DMD: variants seen among roughly 807,000 people sequenced by gnomAD.
The protein encoded by DMD is mutant dystrophin.
Under a neutral mutation model 330.1 loss-of-function variants are expected in DMD, and 63 were observed. The ratio of observed to expected loss-of-function variants is 0.19; its 90% CI spans 0.16 to 0.24. The LOEUF (loss-of-function observed/expected upper bound fraction) is 0.24. DMD is among the 10% of genes least tolerant of loss of function. The pLI, the probability that DMD is intolerant of heterozygous loss-of-function variation, is 1.00. For synonymous variants in DMD, 1,223 were observed against 959.8 expected (o/e 1.27, Z -5.07); for missense variants, 3,344 against 2,684.1 (o/e 1.25, Z -5.43).
chrX:32,936,519 T>C (rs2090034460), intron 2 of DMD, among the ~76,000 whole-genome samples: 2 of 111,900 alleles, frequency 1.8e-5, no homozygotes, highest in Admixed American at 1.9e-4. Context: ...TCCTGAAACC[T>C]TCACAAAGTT....
At chrX:32,728,526 T>C (rs1032039508) in intron 7 of DMD, among the ~76,000 whole-genome samples, 2 of 111,661 alleles carry the variant, frequency 1.8e-5, no homozygotes, top group Non-Finnish European at 1.9e-5. Context: ...CTGCTTTATT[T>C]GAGCTTAGAG....
rs181125381 is a variant in DMD, at chrX:31,359,414, C to T, written c.9085-10780G>A. 2.5e-3 allele frequency among the ~76,000 whole-genome samples: 285 copies of T among 111,830 alleles called. 1 individual carries two copies. The highest frequency in any genetic ancestry group is 8.8e-3 in the African/African-American group (270 of 30,792). ...ATCCATCAGTGTAGTGGAAATGCCA[C>T]GAATTTTATGACTCAGGAAGACCTG... On this transcript the variant is annotated intron_variant, in intron 60 of 78. Coordinates refer to ENST00000357033, the MANE Select transcript of DMD (RefSeq NM_004006.3).
intron 1 of DMD, among the ~76,000 whole-genome samples, chrX:33,154,914 T>C (rs996741656): frequency 8.9e-6 from 1 of 112,156 alleles, no homozygotes; most frequent in African/African-American, 3.2e-5. Flanking sequence ...ACAATGACAT[T>C]CTTATTTTTA....
intron 44 of DMD, among the ~76,000 whole-genome samples, chrX:32,150,406 T>G (rs1036823938): frequency 8.9e-6 from 1 of 111,893 alleles, no homozygotes; most frequent in African/African-American, 3.3e-5. Flanking sequence ...ATTTTTCCTA[T>G]TGCAGTTGCC....
chrX:32,939,174 C>A (rs2090220692), intron 2 of DMD, among the ~76,000 whole-genome samples: 2 of 104,527 alleles, frequency 1.9e-5, no homozygotes, highest in South Asian at 8.8e-4. Context: ...AGTGTATTCA[C>A]CAAATAATCT....
At chrX:31,444,442 T>A in intron 60 of DMD, 39 bp downstream of exon 60, 1 of 1,202,276 alleles carries the variant, frequency 8.3e-7, no homozygotes, top group Non-Finnish European at 1.1e-6. Flanking sequence ...TATATTATTT[T>A]ACTGTAACAA....
At chrX:32,768,284 G>C (rs1223569053) in intron 7 of DMD, among the ~76,000 whole-genome samples, 2 of 111,801 alleles carry the variant, frequency 1.8e-5, no homozygotes, top group Non-Finnish European at 3.8e-5. Context: ...AGAATTTGGG[G>C]AATAGAGCTA....
chrX:31,255,521 C>T (rs1427515160), intron 63 of DMD, among the ~76,000 whole-genome samples: 1 of 111,569 alleles, frequency 9.0e-6, no homozygotes, highest in Non-Finnish European at 1.9e-5. Context: ...TATTTGACAA[C>T]AGCTTGCCTC....
intron 44 of DMD, among the ~76,000 whole-genome samples, chrX:32,138,398 T>C (rs1399224244): frequency 9.0e-6 from 1 of 111,539 alleles, no homozygotes; most frequent in Non-Finnish European, 1.9e-5. Context: ...ATGAAAAAAA[T>C]AACACCTACA....
At chrX:32,952,954 G>A (rs1220775480) in intron 2 of DMD, among the ~76,000 whole-genome samples, 1 of 109,469 alleles carries the variant, frequency 9.1e-6, no homozygotes, top group Non-Finnish European at 1.9e-5. Context: ...GGCCAACATG[G>A]TGAAGCCCCG....
chrX:32,379,110 G>A (rs1386897793), intron 34 of DMD, among the ~76,000 whole-genome samples: 1 of 109,118 alleles, frequency 9.2e-6, no homozygotes, highest in African/African-American at 3.3e-5. Flanking sequence ...AGAGATTTTA[G>A]AGTATGTCAT....
At chrX:32,240,219 T>C in intron 43 of DMD, among the ~76,000 whole-genome samples, 1 of 112,053 alleles carries the variant, frequency 8.9e-6, no homozygotes, top group Admixed American at 9.5e-5. Flanking sequence ...TACATATCAT[T>C]AATTGTAGGT....
intron 60 of DMD, among the ~76,000 whole-genome samples, chrX:31,442,917 C>T (rs2065042611): frequency 9.0e-6 from 1 of 111,088 alleles, no homozygotes; most frequent in African/African-American, 3.3e-5. Flanking sequence ...CAGGACTATC[C>T]ATCACAACAA....
At chrX:32,625,515 T>A (rs765456873) in intron 11 of DMD, among the ~76,000 whole-genome samples, 2 of 112,148 alleles carry the variant, frequency 1.8e-5, no homozygotes, top group Non-Finnish European at 3.8e-5. Flanking sequence ...TGTCCTCCAA[T>A]GTCTATGAGG....
At position 31,159,036 on chromosome X, in the gene DMD, A is replaced by G. The variant is rs377335998; in HGVS notation, c.10553+10407T>C. ...GTAAGAAATGAGAAAAACAAGGGAG[A>G]TACCTGAAAATCAACCCCAAAAACC... On this transcript the variant is annotated intron_variant, in intron 74 of 78. Coordinates refer to ENST00000357033, the MANE Select transcript of DMD (RefSeq NM_004006.3). 6.2e-5 allele frequency among the ~76,000 whole-genome samples: 7 copies of G among 112,012 alleles called. No individual in the cohort carries two copies. In the East Asian group the frequency reaches 1.7e-3, roughly 27 times the overall value.
intron 44 of DMD, among the ~76,000 whole-genome samples, chrX:32,162,322 C>T (rs185976699): frequency 1.1e-3 from 119 of 111,283 alleles, no homozygotes; most frequent in Non-Finnish European, 2.0e-3. Flanking sequence ...GAATCAGTAA[C>T]ATCCCTCAGC....
chrX:32,075,756 A>G (rs1441477823), intron 44 of DMD, among the ~76,000 whole-genome samples: 2 of 110,398 alleles, frequency 1.8e-5, no homozygotes, highest in Admixed American at 2.0e-4. Context: ...AAAAAAAAAA[A>G]GTTTATTTAG....
In DMD at chrX:31,682,527, G is replaced by T. The variant is rs750596448; in HGVS notation, c.7661-2941C>A. Among the ~76,000 whole-genome samples the T allele has an allele frequency of 8.0e-5, 9 of 112,111 alleles. No homozygotes were observed. The Admixed American group carries it at 8.5e-4, about 11-fold the overall frequency. The stretch of plus-strand genomic sequence containing the variant: ...AGCTGTATAAAGTGTAAATGAAAAT[G>T]TCTTTAAGTGTTCTGAAATATTCTG... On this transcript the variant is annotated intron_variant, in intron 52 of 78. Coordinates refer to ENST00000357033, the MANE Select transcript of DMD (RefSeq NM_004006.3).
intron 54 of DMD, among the ~76,000 whole-genome samples, chrX:31,631,307 G>T (rs1603430987): frequency 9.0e-6 from 1 of 111,003 alleles, no homozygotes; most frequent in East Asian, 2.8e-4. Flanking sequence ...GACCCCAGCT[G>T]CTGGTAGTGC....
Sources: allele counts gnomAD v4.1 joint callset (sites outside exome capture counted in the v4.1 genomes callset), GRCh38; gene constraint gnomAD v4.1.1; transcripts MANE v1.5; gene names NCBI Gene and HGNC (gene_info 2026-07-23, HGNC 2026-07-21).